KDM6A: variants seen among roughly 807,000 people sequenced by gnomAD.
KDM6A encodes the protein lysine-specific demethylase 6A.
A neutral mutation model predicts 117.6 loss-of-function variants in KDM6A; 11 were observed. That is an observed-to-expected ratio of 0.09 (90% CI 0.06 to 0.15). The LOEUF (loss-of-function observed/expected upper bound fraction) is 0.15. Among genes scored for constraint, KDM6A ranks in the 10% least tolerant of loss-of-function variants. The probability of loss-of-function intolerance (pLI) is 1.00; values close to 1 mark genes in which losing one functional copy is unlikely to be tolerated. For missense variants in KDM6A, 799 were observed against 1,077.3 expected (o/e 0.74, Z 3.62); for synonymous variants, 384 against 396.1 (o/e 0.97, Z 0.36).
intron 2 of KDM6A, among the ~76,000 whole-genome samples, chrX:44,951,987 T>TTGG (rs1954193201): frequency 8.9e-6 from 1 of 112,326 alleles, no homozygotes; most frequent in Non-Finnish European, 1.9e-5. Flanking sequence ...AGAATAGTGC[T>TTGG]TGGTACATAT....
chrX:45,083,507 G>A lies in KDM6A; in HGVS notation c.3488G>A (p.Arg1163His), dbSNP rs1457797612. The A allele has an allele frequency of 2.5e-6, 3 of 1,208,037 alleles. No homozygotes were observed. Among genetic ancestry groups the A allele is most frequent in the Non-Finnish European group, 3.4e-6 (3 of 892,411 alleles). ...CTGACTAAACTTCCTGCTTTTGTGC[G>A]TGTCGTATCAGCAGGAAATCTTCTA... ...HELTKLPAFV[R>H]VVSAGNLLSH... is the part of the protein sequence containing the mutation. The change falls in exon 24 of 30, where the codon CGT becomes CAT. Residue 1163 changes from arginine (R) to histidine (H), a missense_variant. Physicochemically the swap from Arg to His is conservative, Grantham distance 29 (BLOSUM62 0). This residue lies in a region of KDM6A where 291 missense variants were observed against 437.9 expected (regional missense o/e 0.66). Coordinates refer to ENST00000611820, the MANE Select transcript of KDM6A (RefSeq NM_001291415.2).
intron 2 of KDM6A, among the ~76,000 whole-genome samples, chrX:44,897,504 A>G (rs1453176365): frequency 9.0e-6 from 1 of 110,930 alleles, no homozygotes; most frequent in Non-Finnish European, 1.9e-5. Flanking sequence ...CTGGTATGGC[A>G]TGAGATTTTC....
At chrX:44,926,332 C>T (rs1404024249) in intron 2 of KDM6A, among the ~76,000 whole-genome samples, 8 of 111,278 alleles carry the variant, frequency 7.2e-5, no homozygotes, top group Non-Finnish European at 1.5e-4. Flanking sequence ...CTCGGCCTCC[C>T]GAAGTGCTGG....
At chrX:45,062,887 A>G (rs1163378073) in intron 16 of KDM6A, 139 bp downstream of exon 16, 5 of 463,819 alleles carry the variant, frequency 1.1e-5, no homozygotes, top group Non-Finnish European at 1.9e-5. Flanking sequence ...TCTGTATTTT[A>G]AAATACTGGT....
intron 4 of KDM6A, among the ~76,000 whole-genome samples, chrX:45,004,732 T>C (rs975543682): frequency 1.8e-5 from 2 of 111,667 alleles, no homozygotes; most frequent in African/African-American, 6.5e-5. Flanking sequence ...ATCTGCTTTG[T>C]TATTGTCCCA....
intron 3 of KDM6A, among the ~76,000 whole-genome samples, chrX:44,964,933 C>G (rs780143422): frequency 2.7e-5 from 3 of 112,398 alleles, no homozygotes; most frequent in African/African-American, 9.7e-5. Context: ...AAGGCTGTTT[C>G]ACGGAGATTG....
chrX:45,065,730 T>G (rs1049191036), intron 17 of KDM6A, among the ~76,000 whole-genome samples: 14 of 111,912 alleles, frequency 1.3e-4, no homozygotes, highest in Non-Finnish European at 3.8e-5. Flanking sequence ...GAGAACAGAT[T>G]GAGAAAAGAA....
At chrX:44,907,751 A>AT (rs67971573) in intron 2 of KDM6A, among the ~76,000 whole-genome samples, 771 of 70,532 alleles carry the variant, frequency 0.011, 11 homozygotes, top group African/African-American at 0.024. Flanking sequence ...TCTGGCCTCC[A>AT]TTTTTTTTTT....
At chrX:44,972,248 T>C (rs1392060745) in intron 3 of KDM6A, among the ~76,000 whole-genome samples, 2 of 111,040 alleles carry the variant, frequency 1.8e-5, no homozygotes, top group Non-Finnish European at 3.8e-5. Flanking sequence ...ACTATTAAAA[T>C]TGACACCTGT....
At chrX:45,106,018 C>T (rs776332596) in intron 27 of KDM6A, among the ~76,000 whole-genome samples, 73 of 111,363 alleles carry the variant, frequency 6.6e-4, no homozygotes, top group Non-Finnish European at 8.3e-4. Context: ...CCCCCCGCCC[C>T]TTCCCCTAGG....
intron 2 of KDM6A, 61 bp downstream of exon 2, chrX:44,874,048 C>T (rs1000783348): frequency 1.9e-6 from 2 of 1,061,971 alleles, no homozygotes; most frequent in Admixed American, 2.3e-5. Flanking sequence ...GCGCTCGCCC[C>T]GGGCCCCGCG....
At chrX:45,089,703 A>G (rs1310169388) in intron 25 of KDM6A, 40 bp from the exon 26 acceptor site, 1 of 985,610 alleles carries the variant, frequency 1.0e-6, no homozygotes, top group South Asian at 2.0e-5. Flanking sequence ...GAGCTTCTTA[A>G]TGTAGTTGAT....
At chrX:45,050,918 T>A (rs1427066411) in intron 8 of KDM6A, among the ~76,000 whole-genome samples, 1 of 111,774 alleles carries the variant, frequency 8.9e-6, no homozygotes, top group East Asian at 2.8e-4. Context: ...TTATAAGATA[T>A]TTTATATATA....
At chrX:45,063,369 C>G (rs1241445583) in intron 16 of KDM6A, 53 bp from the exon 17 acceptor site, 4 of 1,119,987 alleles carry the variant, frequency 3.6e-6, no homozygotes, top group Non-Finnish European at 1.2e-6. Flanking sequence ...TATAGATTCT[C>G]TTCCCTATAG....
At chrX:44,993,938 T>C (rs1347838787) in intron 4 of KDM6A, among the ~76,000 whole-genome samples, 1 of 112,260 alleles carries the variant, frequency 8.9e-6, no homozygotes, top group Non-Finnish European at 1.9e-5. Flanking sequence ...TTTATTCATC[T>C]TTCTGCATCT....
chrX:44,921,504 A>G (rs1478940955), intron 2 of KDM6A, among the ~76,000 whole-genome samples: 5 of 111,269 alleles, frequency 4.5e-5, no homozygotes, highest in Non-Finnish European at 9.4e-5. Flanking sequence ...CTTTATAGCC[A>G]CACCAATCCC....
At chrX:44,951,650 G>A (rs766656433) in intron 2 of KDM6A, among the ~76,000 whole-genome samples, 1 of 111,464 alleles carries the variant, frequency 9.0e-6, no homozygotes, top group Admixed American at 9.6e-5. Context: ...TGTGAGAGCT[G>A]GGAGTTGAAA....
chrX:45,032,328 T>C (rs2042632095), intron 6 of KDM6A, among the ~76,000 whole-genome samples: 1 of 111,515 alleles, frequency 9.0e-6, no homozygotes, highest in South Asian at 3.8e-4. Context: ...TATATGTTAA[T>C]AGGTATATCT....
Position 44,963,471 on chromosome X carries a change from G to C in KDM6A, c.334+2079G>C, listed in dbSNP as rs865912801. ...TGTGTGTGTGTGTGTGTGTGTGTGT[G>C]TGTGTGTGTGTGTGTCTGTCTGTCT... On this transcript the variant is annotated intron_variant, in intron 3 of 29. Coordinates refer to ENST00000611820, the MANE Select transcript of KDM6A (RefSeq NM_001291415.2). Among the ~76,000 whole-genome samples the C allele has an allele frequency of 7.9e-3, 236 of 29,908 alleles. 2 individuals carry two copies. Among genetic ancestry groups the C allele is most frequent in the East Asian group, 9.1e-3 (3 of 328 alleles). The allele number at this position is 29,908 out of a possible 115,157, so 26.0% of individuals were successfully genotyped here.
Sources: allele counts gnomAD v4.1 joint callset (sites outside exome capture counted in the v4.1 genomes callset), GRCh38; gene constraint gnomAD v4.1.1; regional missense constraint gnomAD v4.1.1; transcripts MANE v1.5; gene names NCBI Gene and HGNC (gene_info 2026-07-23, HGNC 2026-07-21).